Variants in FSTL5 observed in about 807,000 individuals in gnomAD.
The protein encoded by FSTL5 is follistatin-related protein 5.
FSTL5 carries 62 observed loss-of-function variants against 89.1 expected under a neutral mutation model. The observed-to-expected ratio is 0.70, with a 90% CI of 0.57 to 0.86. The LOEUF is 0.86. Among genes scored for constraint, FSTL5 ranks in the 40% least tolerant of loss-of-function variants. The pLI, the probability that FSTL5 is intolerant of heterozygous loss-of-function variation, is 0.00. For synonymous variants in FSTL5, 383 were observed against 346.2 expected, an observed-to-expected ratio of 1.11 and a Z score of -1.18; for missense variants, 1,057 against 1,001.6, an observed-to-expected ratio of 1.06 and a Z score of -0.75.
At chr4:161,691,397 T>C (rs1429809653) in intron 6 of FSTL5, among the ~76,000 whole-genome samples, 2 of 152,172 alleles carry the variant, frequency 1.3e-5, no homozygotes, top group East Asian at 3.9e-4. Context: ...TTGTTCTACA[T>C]GCCTATCTTT....
intron 15 of FSTL5, among the ~76,000 whole-genome samples, chr4:161,403,120 C>T (rs560958792): frequency 2.6e-5 from 4 of 152,222 alleles, no homozygotes; most frequent in Admixed American, 1.3e-4. Context: ...TGAGCCATGG[C>T]GCCCGGCCCC....
intron 8 of FSTL5, among the ~76,000 whole-genome samples, chr4:161,564,465 T>G (rs1388714170): frequency 1.3e-5 from 2 of 150,824 alleles, no homozygotes; most frequent in South Asian, 4.2e-4. Flanking sequence ...TATAACAATA[T>G]TTGCTGAAAT....
chr4:161,570,875 G>A (rs920851189), intron 8 of FSTL5, among the ~76,000 whole-genome samples: 7 of 152,156 alleles, frequency 4.6e-5, no homozygotes, highest in African/African-American at 1.7e-4. Flanking sequence ...CAGCACTTTG[G>A]GAGGCTGAGG....
chr4:161,633,836 T>C (rs1223904343), intron 7 of FSTL5, among the ~76,000 whole-genome samples: 2 of 152,170 alleles, frequency 1.3e-5, no homozygotes, highest in Non-Finnish European at 2.9e-5. Context: ...ATCAGAACAC[T>C]AGCAAGATAA....
chr4:162,021,857 C>T (rs1737097563), intron 3 of FSTL5, among the ~76,000 whole-genome samples: 1 of 152,014 alleles, frequency 6.6e-6, no homozygotes, highest in Non-Finnish European at 1.5e-5. Flanking sequence ...CTTTGGGAGG[C>T]CGAGGCGGGT....
At chr4:161,434,064 T>C (rs1732474339) in intron 15 of FSTL5, among the ~76,000 whole-genome samples, 1 of 152,080 alleles carries the variant, frequency 6.6e-6, no homozygotes. Flanking sequence ...CTAAAATGTA[T>C]ATGGAACCAC....
chr4:161,700,896 A>G (rs1221003148), intron 6 of FSTL5, among the ~76,000 whole-genome samples: 1 of 152,218 alleles, frequency 6.6e-6, no homozygotes, highest in Non-Finnish European at 1.5e-5. Context: ...TTTCAATTAC[A>G]TATTTGCATA....
At chr4:161,879,028 A>C (rs887986862) in intron 4 of FSTL5, among the ~76,000 whole-genome samples, 2 of 152,068 alleles carry the variant, frequency 1.3e-5, no homozygotes, top group African/African-American at 4.8e-5. Flanking sequence ...ATCTCCACTT[A>C]ACTATTTAAT....
At chr4:161,802,935 T>G (rs1026256597) in intron 4 of FSTL5, among the ~76,000 whole-genome samples, 4 of 151,896 alleles carry the variant, frequency 2.6e-5, no homozygotes, top group African/African-American at 9.7e-5. Flanking sequence ...TTTCTCTAAT[T>G]ATTATGACAA....
chr4:162,099,114 T>C (rs13137922), intron 2 of FSTL5, among the ~76,000 whole-genome samples: 1 of 152,240 alleles, frequency 6.6e-6, no homozygotes, highest in Middle Eastern at 3.4e-3. Context: ...ATAACTGGGA[T>C]AGTCATCACC....
chr4:161,516,659 T>G (rs1237340991), intron 10 of FSTL5, among the ~76,000 whole-genome samples: 1 of 103,564 alleles, frequency 9.7e-6, no homozygotes, highest in Non-Finnish European at 2.1e-5. Flanking sequence ...TAATAAATTA[T>G]ATATACACAC....
intron 15 of FSTL5, among the ~76,000 whole-genome samples, chr4:161,429,315 C>T (rs1384109567): frequency 6.6e-6 from 1 of 152,142 alleles, no homozygotes; most frequent in Non-Finnish European, 1.5e-5. Context: ...AGGATATAAG[C>T]CTTGTTGGCT....
At chr4:162,147,098 T>C (rs997367309) in intron 1 of FSTL5, among the ~76,000 whole-genome samples, 3 of 152,058 alleles carry the variant, frequency 2.0e-5, no homozygotes, top group African/African-American at 7.2e-5. Context: ...TCCTTTTCTT[T>C]CTGAAGATCC....
At chr4:161,874,629 T>C (rs1414223658) in intron 4 of FSTL5, among the ~76,000 whole-genome samples, 1 of 151,850 alleles carries the variant, frequency 6.6e-6, no homozygotes, top group African/African-American at 2.4e-5. Context: ...ATGATTTCCA[T>C]CTCTTTGTCT....
chr4:161,775,765 T>C (rs1436943800), intron 5 of FSTL5, 113 bp downstream of exon 5: 12 of 539,536 alleles, frequency 2.2e-5, no homozygotes, highest in Admixed American at 3.8e-5. Flanking sequence ...CATATACTTT[T>C]CAATAATATG....
chr4:162,153,876 G>A (rs1733364905), intron 1 of FSTL5, among the ~76,000 whole-genome samples: 1 of 148,002 alleles, frequency 6.8e-6, no homozygotes, highest in Admixed American at 6.8e-5. Context: ...CATGATCTCG[G>A]CTCACCACAA....
chr4:162,027,232 T>C (rs1737328571), intron 3 of FSTL5, among the ~76,000 whole-genome samples: 1 of 152,112 alleles, frequency 6.6e-6, no homozygotes, highest in South Asian at 2.1e-4. Flanking sequence ...TTTTAAAGGA[T>C]GGAGAATAAA....
At chr4:162,046,635 T>C (rs925118567) in intron 2 of FSTL5, among the ~76,000 whole-genome samples, 3 of 152,096 alleles carry the variant, frequency 2.0e-5, no homozygotes. Flanking sequence ...TAAATAAACA[T>C]GCCAATTATT....
At chr4:161,920,019 G>T (rs1484606950) in intron 4 of FSTL5, among the ~76,000 whole-genome samples, 1 of 152,140 alleles carries the variant, frequency 6.6e-6, no homozygotes, top group Non-Finnish European at 1.5e-5. Context: ...AGGAAGGAAT[G>T]AAATGTTATC....
Sources: gnomAD v4.1 joint callset for allele counts (sites outside exome capture counted in the v4.1 genomes callset) on GRCh38, gnomAD v4.1.1 for gene constraint, MANE v1.5 for transcripts, NCBI Gene and HGNC (gene_info 2026-07-23, HGNC 2026-07-21) for gene names.